The following ELAVL2 variants were observed in gnomAD, a reference collection of about 807,000 sequenced individuals.
The protein encoded by ELAVL2 is ELAV-like protein 2.
A neutral mutation model predicts 34.6 loss-of-function variants in ELAVL2; 4 were observed. The observed-to-expected ratio is 0.12, with a 90% CI of 0.06 to 0.26. The LOEUF is 0.26. ELAVL2 is among the 10% of genes least tolerant of loss of function. ELAVL2 has a pLI of 1.00. For synonymous variants in ELAVL2, 193 were observed against 154.8 expected, an observed-to-expected ratio of 1.25 and a Z score of -1.83; for missense variants, 432 against 442.8, an observed-to-expected ratio of 0.98 and a Z score of 0.22.
chr9:23,762,592 A>C (rs1476941969), intron 1 of ELAVL2, among the ~76,000 whole-genome samples: 2 of 152,084 alleles, frequency 1.3e-5, no homozygotes, highest in East Asian at 3.9e-4. Flanking sequence ...ACAGAATTGA[A>C]CCCTAACTAA....
chr9:23,817,978 A>G (rs1422797875), intron 1 of ELAVL2, among the ~76,000 whole-genome samples: 1 of 152,228 alleles, frequency 6.6e-6, no homozygotes, highest in Non-Finnish European at 1.5e-5. Flanking sequence ...AAATCCTTAA[A>G]TAATTAACTA....
chr9:23,698,309 A>G (rs558865545), intron 5 of ELAVL2, among the ~76,000 whole-genome samples: 52 of 152,352 alleles, frequency 3.4e-4, no homozygotes, highest in African/African-American at 1.3e-3. Context: ...TGAAAACTGC[A>G]GTCAATTAAA....
At chr9:23,735,586 T>G (rs964781242) in intron 2 of ELAVL2, 2 of 152,248 alleles carry the variant, frequency 1.3e-5, no homozygotes, top group South Asian at 2.1e-4. Flanking sequence ...GCCCAAAGTC[T>G]TGATTTTAAT....
chr9:23,770,449 G>C (rs1439811728), intron 1 of ELAVL2, among the ~76,000 whole-genome samples: 1 of 152,156 alleles, frequency 6.6e-6, no homozygotes, highest in Admixed American at 6.5e-5. Context: ...TAAGATTGTA[G>C]AATTAAAGCT....
intron 1 of ELAVL2, chr9:23,821,688 C>G (rs1324532477): frequency 6.6e-6 from 1 of 152,668 alleles, no homozygotes; most frequent in Non-Finnish European, 1.5e-5. Context: ...GGGGCGAGCT[C>G]CGCGGAGAGG....
intron 1 of ELAVL2, among the ~76,000 whole-genome samples, chr9:23,812,853 G>A (rs899544054): frequency 1.3e-5 from 2 of 151,988 alleles, no homozygotes; most frequent in Non-Finnish European, 2.9e-5. Context: ...GTTCAATACA[G>A]GGGCACATTC....
chr9:23,709,675 T>C (rs1049022142), intron 3 of ELAVL2, among the ~76,000 whole-genome samples: 9 of 152,214 alleles, frequency 5.9e-5, no homozygotes, highest in African/African-American at 1.9e-4. Context: ...AAATAGCCTC[T>C]TTCTCCACTG....
At chr9:23,782,106 C>A (rs1169889244) in intron 1 of ELAVL2, among the ~76,000 whole-genome samples, 1 of 152,138 alleles carries the variant, frequency 6.6e-6, no homozygotes, top group African/African-American at 2.4e-5. Context: ...CAGGCGTGAG[C>A]CACCATGCCC....
intron 1 of ELAVL2, among the ~76,000 whole-genome samples, chr9:23,767,934 G>A (rs1178749569): frequency 1.3e-5 from 2 of 152,138 alleles, no homozygotes; most frequent in African/African-American, 2.4e-5. Flanking sequence ...CTGCTGAAAG[G>A]GCCAATACAA....
intron 1 of ELAVL2, among the ~76,000 whole-genome samples, chr9:23,778,778 A>G (rs35498913): frequency 0.031 from 4,705 of 152,302 alleles, 93 homozygotes; most frequent in East Asian, 0.075. Context: ...ATGAATATGC[A>G]TAACAAAAAA....
chr9:23,693,467 T>C lies in ELAVL2; in HGVS notation c.733A>G (p.Met245Val). The C allele has an allele frequency of 6.2e-7, 1 of 1,614,120 alleles. No homozygotes were observed. Among genetic ancestry groups the C allele is most frequent in the East Asian group, 2.2e-5 (1 of 44,862 alleles). ...QRFRLDNLLNMAYGVKRFSPM... is the reference protein window; with the variant it reads ...QRFRLDNLLNVAYGVKRFSPM... ...CATTACCTCTTTACTCCATAAGCCATATTGAGCAGATTGTCCAACCTGCAA... is the reference window on the plus strand; with the variant it reads ...CATTACCTCTTTACTCCATAAGCCACATTGAGCAGATTGTCCAACCTGCAA... The change falls in exon 6 of 7, where the codon ATG becomes GTG. Residue 245 changes from methionine (M) to valine (V), a missense_variant. Met to Val is a conservative substitution (Grantham distance 21). This residue lies in a region of ELAVL2 where 295 missense variants were observed against 306.1 expected (regional missense o/e 0.96). Transcript: ENST00000397312.
At chr9:23,733,318 C>T (rs2047063492) in intron 2 of ELAVL2, among the ~76,000 whole-genome samples, 1 of 152,048 alleles carries the variant, frequency 6.6e-6, no homozygotes, top group African/African-American at 2.4e-5. Context: ...ATTGGCTGGG[C>T]CATGCTTGAA....
chr9:23,835,429 T>G, the ELAVL2 span, among the ~76,000 whole-genome samples: 1 of 152,226 alleles, frequency 6.6e-6, no homozygotes, highest in East Asian at 1.9e-4. Flanking sequence ...TTCTTCCATC[T>G]CCACTTATAT....
chr9:23,734,112 A>G (rs182653288), intron 2 of ELAVL2, among the ~76,000 whole-genome samples: 1 of 152,354 alleles, frequency 6.6e-6, no homozygotes, highest in East Asian at 1.9e-4. Flanking sequence ...ATCTGCTATT[A>G]AAAGACTGCA....
chr9:23,838,783 T>A, the ELAVL2 span, among the ~76,000 whole-genome samples: 1 of 152,178 alleles, frequency 6.6e-6, no homozygotes, highest in Non-Finnish European at 1.5e-5. Context: ...TAAAGTGATT[T>A]GCTTATATTT....
the ELAVL2 span, among the ~76,000 whole-genome samples, chr9:23,846,696 CA>C: frequency 1.5e-4 from 23 of 152,010 alleles, no homozygotes; most frequent in Admixed American, 3.9e-4. Context: ...GAGAAATAAC[CA>C]GACAAACCAG....
At chr9:23,720,693 A>G (rs1008998310) in intron 3 of ELAVL2, among the ~76,000 whole-genome samples, 6 of 152,186 alleles carry the variant, frequency 3.9e-5, no homozygotes, top group African/African-American at 1.2e-4. Flanking sequence ...GCCATTCAAC[A>G]TATCTTGATG....
chr9:23,814,938 C>T (rs898874946), intron 1 of ELAVL2, among the ~76,000 whole-genome samples: 5 of 151,190 alleles, frequency 3.3e-5, no homozygotes, highest in Non-Finnish European at 5.9e-5. Context: ...CTGATATACA[C>T]AAATGATGCC....
chr9:23,787,000 C>T (rs1209036931), intron 1 of ELAVL2, among the ~76,000 whole-genome samples: 4 of 152,024 alleles, frequency 2.6e-5, no homozygotes, highest in Non-Finnish European at 4.4e-5. Context: ...TGGAATAAAA[C>T]ATCACTGAGG....
Sources: allele counts gnomAD v4.1 joint callset (sites outside exome capture counted in the v4.1 genomes callset), GRCh38; gene constraint gnomAD v4.1.1; regional missense constraint gnomAD v4.1.1; transcripts MANE v1.5; gene names NCBI Gene and HGNC (gene_info 2026-07-23, HGNC 2026-07-21).